Variants in LGALS9 observed in about 807,000 individuals in gnomAD.
The protein encoded by LGALS9 is galectin 9.
LGALS9 carries 26 observed loss-of-function variants against 35.9 expected under a neutral mutation model. That is an observed-to-expected ratio of 0.72 (90% confidence interval 0.53 to 1.01). LGALS9 has a LOEUF of 1.01. Among genes scored for constraint, LGALS9 ranks in the 50% least tolerant of loss-of-function variants. The pLI is 0.00. For synonymous variants in LGALS9, 149 were observed against 172.2 expected, an observed-to-expected ratio of 0.87 and a Z score of 1.06; for missense variants, 347 against 445.8, an observed-to-expected ratio of 0.78 and a Z score of 1.99.
intron 2 of LGALS9, among the ~76,000 whole-genome samples, chr17:27,640,118 C>T (rs906308511): frequency 3.3e-5 from 5 of 152,134 alleles, no homozygotes; most frequent in South Asian, 2.1e-4. Context: ...GTGGTCCACC[C>T]GCCTTGGCCT....
Position 27,634,509 on chromosome 17 carries a change from G to A in LGALS9, c.39+3205G>A, listed in dbSNP as rs528768343. Among the ~76,000 whole-genome samples, 90 of 152,090 alleles carry A rather than the reference G, an allele frequency of 5.9e-4. 1 individual carries two copies. The South Asian group carries it at 7.5e-3, about 13-fold the overall frequency. Reference sequence around the variant, plus strand: ...GGAGGCTACAGTGAGCTGAGATCGCGTCAACACACTCCAGCCTGGCTGACA... The same window carrying A: ...GGAGGCTACAGTGAGCTGAGATCGCATCAACACACTCCAGCCTGGCTGACA... On this transcript the variant is annotated intron_variant, in intron 1 of 10. Coordinates refer to ENST00000395473, the MANE Select transcript of LGALS9 (RefSeq NM_009587.3).
rs747504001 is a variant in LGALS9 at position 27,643,579 on chromosome 17, C to A, written c.499C>A (p.Pro167Thr). ...CTTCTCCACGGTGCCGTTCTCCCAGCCTGTCTGTTTCCCACCCAGGCCCAG... is the reference window on the plus strand; with the variant it reads ...CTTCTCCACGGTGCCGTTCTCCCAGACTGTCTGTTTCCCACCCAGGCCCAG... ...PAFSTVPFSQ[P>T]VCFPPRPRGR... is the part of the protein sequence containing the mutation. Residue 167 changes from proline to threonine, a missense_variant, in exon 5 of 11, where the codon CCT becomes ACT. Transcript: ENST00000395473. 1.9e-6 allele frequency: 3 copies of A among 1,611,874 alleles called. No individual in the cohort carries two copies. In the Admixed American group the frequency reaches 5.0e-5, roughly 27 times the overall value.
At chr17:27,639,071 C>T (rs1163472359) in intron 2 of LGALS9, among the ~76,000 whole-genome samples, 1 of 152,188 alleles carries the variant, frequency 6.6e-6, no homozygotes, top group African/African-American at 2.4e-5. Context: ...CCTCTGGACT[C>T]ATGACTCTCT....
intron 1 of LGALS9, among the ~76,000 whole-genome samples, chr17:27,638,017 G>A (rs1175581053): frequency 3.9e-5 from 6 of 152,254 alleles, no homozygotes; most frequent in East Asian, 1.9e-4. Flanking sequence ...TCCCTGTCGC[G>A]TCCTCTCAGG....
intron 4 of LGALS9, 25 bp from the exon 5 acceptor site, chr17:27,643,500 T>C: frequency 1.2e-6 from 2 of 1,611,376 alleles, no homozygotes; most frequent in Non-Finnish European, 1.7e-6. Context: ...TTCTCCTCAC[T>C]GCCCGGTGCC....
chr17:27,637,392 G>T (rs1004482512), intron 1 of LGALS9, among the ~76,000 whole-genome samples: 2 of 152,206 alleles, frequency 1.3e-5, no homozygotes, highest in South Asian at 2.1e-4. Context: ...GCTTCCCAAG[G>T]TCACTCAGGT....
At chr17:27,632,010 A>G (rs978915333) in intron 1 of LGALS9, among the ~76,000 whole-genome samples, 2 of 152,050 alleles carry the variant, frequency 1.3e-5, no homozygotes, top group African/African-American at 2.4e-5. Flanking sequence ...GCGTGGGGTC[A>G]GAGGGCGGCA....
rs756575770 is a variant in LGALS9 at position 27,645,378 on chromosome 17, T to C, written c.576+29T>C. 7 of 1,612,572 alleles carry C rather than the reference T, an allele frequency of 4.3e-6. No individual in the cohort carries two copies. The South Asian group carries it at 7.7e-5, about 18-fold the overall frequency. The stretch of plus-strand genomic sequence containing the variant: ...AGTCTCTTGCTTTCTTTTTGGATCG[T>C]CCTCATTTTGGCTTTTCTGGGCTCA... On this transcript the variant is annotated intron_variant, in intron 6 of 10. Transcript: ENST00000395473.
chr17:27,641,056 A>G (rs552901059), intron 3 of LGALS9: 2 of 637,790 alleles, frequency 3.1e-6, no homozygotes, highest in South Asian at 3.0e-5. Context: ...TTCCAAGCTC[A>G]TTCCATTCCT....
chr17:27,637,842 C>T (rs1356487996), intron 1 of LGALS9, among the ~76,000 whole-genome samples: 1 of 152,150 alleles, frequency 6.6e-6, no homozygotes, highest in Non-Finnish European at 1.5e-5. Flanking sequence ...GGCCTGGGAC[C>T]TTTGCTGGGA....
chr17:27,649,129 T>C lies in LGALS9; in HGVS notation c.*147T>C. 7.7e-7 allele frequency: 1 copy of C among 1,296,466 alleles called. No individual in the cohort carries two copies. 80.3% of individuals were successfully genotyped at this position (1,296,466 alleles called of 1,614,324 possible). A position where few individuals can be genotyped will look rare whatever the true frequency, so the allele number is the denominator to read the frequency against. On this transcript the variant is annotated 3_prime_UTR_variant, in exon 11 of 11. Coordinates refer to ENST00000395473, the MANE Select transcript of LGALS9 (RefSeq NM_009587.3). ...CCATGTCCTTGTCTGGTCCTGCTTC[T>C]GGCTACAGCCACCCTGGAACGGAGA...
chr17:27,639,588 T>C (rs1289474591), intron 2 of LGALS9, among the ~76,000 whole-genome samples: 1 of 152,142 alleles, frequency 6.6e-6, no homozygotes, highest in Non-Finnish European at 1.5e-5. Flanking sequence ...TTTTTTTCTT[T>C]TGAGACAGGG....
intron 9 of LGALS9, 30 bp from the exon 10 acceptor site, chr17:27,647,240 A>T: frequency 6.2e-7 from 1 of 1,613,432 alleles, no homozygotes; most frequent in Non-Finnish European, 8.5e-7. Flanking sequence ...AATTCGGTGG[A>T]TAAAGGTTCA....
intron 1 of LGALS9, among the ~76,000 whole-genome samples, chr17:27,632,099 A>C (rs1183244290): frequency 1.3e-5 from 2 of 152,096 alleles, no homozygotes; most frequent in Non-Finnish European, 2.9e-5. Context: ...GGCAGAGGCC[A>C]GTTGCCAAAT....
intron 7 of LGALS9, 134 bp from the exon 8 acceptor site, chr17:27,646,413 G>T: frequency 7.3e-7 from 1 of 1,373,788 alleles, no homozygotes; most frequent in Non-Finnish European, 1.0e-6. Context: ...GAGGTAGACG[G>T]GCGAGTCCAA....
Position 27,647,356 on chromosome 17 carries a change from A to G in LGALS9, c.845A>G (p.Gln282Arg). 6.2e-7 allele frequency: 1 copy of G among 1,614,210 alleles called. No homozygotes were observed. Among genetic ancestry groups the G allele is most frequent in the Non-Finnish European group, 8.5e-7 (1 of 1,180,044 alleles). ...GAGAATGCTGTGGTCCGCAACACCCAGATCGACAACTCCTGGGGGTCTGAG... is the reference window on the plus strand; with the variant it reads ...GAGAATGCTGTGGTCCGCAACACCCGGATCGACAACTCCTGGGGGTCTGAG... ...FDENAVVRNT[Q>R]IDNSWGSEER... Residue 282 changes from glutamine to arginine, a missense_variant, in exon 10 of 11, where the codon CAG becomes CGG. Coordinates refer to ENST00000395473, the MANE Select transcript of LGALS9 (RefSeq NM_009587.3).
intron 2 of LGALS9, chr17:27,638,837 G>A (rs2074484128): frequency 1.3e-5 from 3 of 235,422 alleles, no homozygotes; most frequent in South Asian, 5.2e-5. Flanking sequence ...ATTGTATCAG[G>A]GCTGTTTCCC....
Position 27,649,160 on chromosome 17 carries a change from G to A in LGALS9, c.*178G>A. ...CAGCCACCCTGGAACGGAGAAGGCA[G>A]CTGACGGGGATTGCCTTCCTCAGCC... On this transcript the variant is annotated 3_prime_UTR_variant, in exon 11 of 11. Coordinates refer to ENST00000395473, the MANE Select transcript of LGALS9 (RefSeq NM_009587.3). The A allele has an allele frequency of 2.0e-6, 2 of 998,252 alleles. No individual in the cohort carries two copies. Among genetic ancestry groups the A allele is most frequent in the African/African-American group, 1.6e-5 (1 of 61,370 alleles). The allele number at this position is 998,252 out of a possible 1,614,324, so 61.8% of individuals were successfully genotyped here.
In LGALS9 at chr17:27,644,849, A is replaced by G. The variant is rs4580243; in HGVS notation, c.541-465A>G. On this transcript the variant is annotated intron_variant, in intron 5 of 10. Transcript: ENST00000395473. ...TGGATTTGATCCCTTCCACCTTGGC[A>G]AGCTTGGGCAAGTTGCTTAATCTTT... The G allele has an allele frequency of 6.7e-3, 1,077 of 161,154 alleles. 18 individuals are homozygous for G. Among genetic ancestry groups the G allele is most frequent in the African/African-American group, 0.023 (973 of 41,678 alleles). The allele number at this position is 161,154 out of a possible 1,614,324, so 10.0% of individuals were successfully genotyped here.
Sources: gnomAD v4.1 joint callset for allele counts (sites outside exome capture counted in the v4.1 genomes callset) on GRCh38, gnomAD v4.1.1 for gene constraint, MANE v1.5 for transcripts, NCBI Gene and HGNC (gene_info 2026-07-23, HGNC 2026-07-21) for gene names.